Variants in FAM200A observed in about 807,000 individuals in gnomAD.
FAM200A encodes ZBED8 like.
Under a neutral mutation model 44.2 loss-of-function variants are expected in FAM200A, and 26 were observed. The ratio of observed to expected loss-of-function variants is 0.59; its 90% CI spans 0.43 to 0.82. The LOEUF (loss-of-function observed/expected upper bound fraction) is 0.82, where lower values mean the gene tolerates loss of function less well. Among genes scored for constraint, FAM200A ranks in the 40% least tolerant of loss-of-function variants. The pLI is 0.00. For missense variants in FAM200A, 606 were observed against 669.5 expected, an observed-to-expected ratio of 0.91 and a Z score of 1.05; for synonymous variants, 206 against 244.4, an observed-to-expected ratio of 0.84 and a Z score of 1.47.
upstream of FAM200A, among the ~76,000 whole-genome samples, chr7:99,553,504 C>G (rs1802614934): frequency 6.6e-6 from 1 of 152,058 alleles, no homozygotes; most frequent in Non-Finnish European, 1.5e-5. Flanking sequence ...TCAAAGTGGC[C>G]TGGTGGTATT....
At chr7:99,553,085 A>ATG (rs1802587841), upstream of FAM200A, among the ~76,000 whole-genome samples, 1 of 97,780 alleles carries the variant, frequency 1.0e-5, no homozygotes, top group Non-Finnish European at 1.8e-5. Flanking sequence ...ATATATATAT[A>ATG]TATATATATA....
intron 1 of FAM200A, among the ~76,000 whole-genome samples, chr7:99,557,914 T>C (rs1368828744): frequency 6.6e-6 from 1 of 152,228 alleles, no homozygotes; most frequent in African/African-American, 2.4e-5. Context: ...ACAAGACATA[T>C]TCTGTAAGGA....
chr7:99,552,049 T>C lies in FAM200A; in HGVS notation c.-295A>G. 2 of 985,558 alleles carry C rather than the reference T, an allele frequency of 2.0e-6. No homozygotes were observed. The highest frequency in any genetic ancestry group is 2.4e-6 in the Non-Finnish European group (2 of 830,026). The allele number at this position is 985,558 out of a possible 1,614,324, so 61.1% of individuals were successfully genotyped here. On this transcript the variant is annotated 5_prime_UTR_variant, in exon 1 of 2. Coordinates refer to ENST00000449309, the MANE Select transcript of FAM200A (RefSeq NM_145111.4). Reference sequence around the variant, plus strand: ...GCTGGGATAGAAGGGGTTGTGACTTTGGGGACCAGGAGCACTAGACTCACA... The same window carrying C: ...GCTGGGATAGAAGGGGTTGTGACTTCGGGGACCAGGAGCACTAGACTCACA...
Position 99,551,922 on chromosome 7 carries a change from G to C in FAM200A, c.-168C>G. On this transcript the variant is annotated 5_prime_UTR_variant, in exon 1 of 2. Transcript: ENST00000449309. ...GCCGAGGCTGGCGCGAGGAACGGGG[G>C]CACGGACCCGCTTCCACTCCGTCCC... The C allele has an allele frequency of 3.0e-6, 3 of 985,556 alleles. No homozygotes were observed. The highest frequency in any genetic ancestry group is 3.6e-6 in the Non-Finnish European group (3 of 830,040). 61.1% of individuals were successfully genotyped at this position (985,556 alleles called of 1,614,324 possible).
chr7:99,547,798 T>C lies in FAM200A; in HGVS notation c.610A>G (p.Lys204Glu). The stretch of plus-strand genomic sequence containing the variant: ...TCACTTGAAATTCCTTTACAATGTT[T>C]CCAGTTTAATTTATACTGACCAAGA... Reference protein sequence around the residue: ...CLLGQYKLNWKHCKGISSDGT... With the variant: ...CLLGQYKLNWEHCKGISSDGT... The change falls in exon 2 of 2, where the codon AAA becomes GAA. Residue 204 changes from lysine to glutamate, a missense_variant. By Grantham distance (56) the Lys-to-Glu change is moderately conservative. Transcript: ENST00000449309. The C allele has an allele frequency of 6.4e-7, 1 of 1,551,664 alleles. No homozygotes were observed. The highest frequency in any genetic ancestry group is 8.7e-7 in the Non-Finnish European group (1 of 1,146,982).
At chr7:99,555,491 G>A (rs977725876), upstream of FAM200A, among the ~76,000 whole-genome samples, 9 of 152,160 alleles carry the variant, frequency 5.9e-5, no homozygotes, top group African/African-American at 2.2e-4. Flanking sequence ...CACTCTTATT[G>A]GGGTTTGCCA....
chr7:99,555,333 G>GCCT (rs1802656961), upstream of FAM200A, among the ~76,000 whole-genome samples: 1 of 152,136 alleles, frequency 6.6e-6, no homozygotes, highest in Admixed American at 6.5e-5. Context: ...TAGGAGAGAG[G>GCCT]CATGGACAGA....
Position 99,546,886 on chromosome 7 carries a change from G to A in FAM200A, c.1522C>T (p.Leu508=), listed in dbSNP as rs1362216548. The stretch of plus-strand genomic sequence containing the variant: ...AGCAATATACTCTTCCTACTTAGCA[G>A]TGGAAAGTCATCTTTAATCTTAATC... ...FWIKIKDDFP[L]LSRKSILLLL... is the part of the protein sequence containing the mutation. Residue 508 remains leucine (L), a synonymous_variant, in exon 2 of 2, where the codon CTG becomes TTG. Coordinates refer to ENST00000449309, the MANE Select transcript of FAM200A (RefSeq NM_145111.4). 6.5e-7 allele frequency: 1 copy of A among 1,549,794 alleles called. No homozygotes were observed. Among genetic ancestry groups the A allele is most frequent in the African/African-American group, 1.4e-5 (1 of 72,954 alleles).
upstream of FAM200A, among the ~76,000 whole-genome samples, chr7:99,556,849 A>G (rs1802695297): frequency 6.6e-6 from 1 of 152,210 alleles, no homozygotes; most frequent in Non-Finnish European, 1.5e-5. Context: ...CAGCCTGGCC[A>G]ACATGGTGAA....
upstream of FAM200A, among the ~76,000 whole-genome samples, chr7:99,554,478 C>CAAAAAAA (rs397889799): frequency 5.7e-5 from 3 of 52,184 alleles, no homozygotes; most frequent in Non-Finnish European, 8.0e-5. Context: ...GACTCCGTCT[C>CAAAAAAA]AAAAAAAAAA....
chr7:99,554,478 C>CA (rs397889799), upstream of FAM200A, among the ~76,000 whole-genome samples: 9,188 of 51,184 alleles, frequency 0.18, 972 homozygotes, highest in East Asian at 0.34. Context: ...GACTCCGTCT[C>CA]AAAAAAAAAA....
exon 1 of FAM200A, chr7:99,558,397 TGTTG>T (rs1802771860): frequency 6.6e-6 from 1 of 151,940 alleles, no homozygotes; most frequent in Admixed American, 6.6e-5. Flanking sequence ...TCGCAGTCAT[TGTTG>T]GTATAACGGC....
In FAM200A at chr7:99,548,523, C is replaced by T. The variant is rs1390585751; in HGVS notation, c.-99-17G>A. 15 of 1,476,652 alleles carry T rather than the reference C, an allele frequency of 1.0e-5. No individual in the cohort carries two copies. The highest frequency in any genetic ancestry group is 5.4e-5 in the Admixed American group (2 of 36,828). The allele number at this position is 1,476,652 out of a possible 1,614,324, so 91.5% of individuals were successfully genotyped here. A position where few individuals can be genotyped will look rare whatever the true frequency, so the allele number is the denominator to read the frequency against. Reference sequence around the variant, plus strand: ...TTTGCTATCCTGCAGGGTAGAAAAACGTAACAGCAGTATTAAAAAGCAACA... The same window carrying T: ...TTTGCTATCCTGCAGGGTAGAAAAATGTAACAGCAGTATTAAAAAGCAACA... On this transcript the variant is annotated splice_polypyrimidine_tract_variant and intron_variant, in intron 1 of 1. Coordinates refer to ENST00000449309, the MANE Select transcript of FAM200A (RefSeq NM_145111.4).
upstream of FAM200A, among the ~76,000 whole-genome samples, chr7:99,554,494 A>AG (rs1344619626): frequency 4.6e-5 from 7 of 151,716 alleles, no homozygotes; most frequent in East Asian, 1.4e-3. Flanking sequence ...AAAAAAAAAA[A>AG]AAAAAAGAAA....
chr7:99,548,569 C>G (rs1474400878), intron 1 of FAM200A, 63 bp from the exon 2 acceptor site: 9 of 1,313,388 alleles, frequency 6.9e-6, no homozygotes, highest in Non-Finnish European at 9.2e-6. Flanking sequence ...GGGCTAACAA[C>G]TCATACAAAA....
chr7:99,551,826 G>A (rs2151130949), intron 1 of FAM200A, 28 bp downstream of exon 1: 1 of 985,426 alleles, frequency 1.0e-6, no homozygotes, highest in Non-Finnish European at 1.2e-6. Flanking sequence ...TCTCCAATCC[G>A]GAAACCAAAA....
Position 99,548,260 on chromosome 7 carries a change from G to C in FAM200A, c.148C>G (p.Leu50Val), listed in dbSNP as rs1348951453. 6.2e-7 allele frequency: 1 copy of C among 1,613,582 alleles called. No individual in the cohort carries two copies. The highest frequency in any genetic ancestry group is 8.5e-7 in the Non-Finnish European group (1 of 1,179,820). ...TCATTCATAGTTGTAGAGCGACTGA[G>C]AACTTGTGGCGATGACTCTACTTTG... ...RNKVESSPQV[L>V]SRSTTMNERA... Residue 50 changes from leucine to valine, a missense_variant, in exon 2 of 2, where the codon CTC becomes GTC. Leu to Val is a conservative substitution (Grantham distance 32). Coordinates refer to ENST00000449309, the MANE Select transcript of FAM200A (RefSeq NM_145111.4).
At position 99,546,454 on chromosome 7, in the gene FAM200A, T is replaced by C; in HGVS notation, c.*232A>G. ...GATTATCTCAGCTCACTGCAATCTC[T>C]GCCTTCCTGGTTTAAGAGATTCTCC... On this transcript the variant is annotated 3_prime_UTR_variant, in exon 2 of 2. Transcript: ENST00000449309. The C allele has an allele frequency of 2.6e-6, 1 of 385,852 alleles. No individual in the cohort carries two copies. Among genetic ancestry groups the C allele is most frequent in the Non-Finnish European group, 4.5e-6 (1 of 220,698 alleles). The allele number at this position is 385,852 out of a possible 1,614,324, so 23.9% of individuals were successfully genotyped here.
upstream of FAM200A, among the ~76,000 whole-genome samples, chr7:99,555,462 G>A (rs893896364): frequency 6.6e-6 from 1 of 152,134 alleles, no homozygotes; most frequent in South Asian, 2.1e-4. Context: ...TGTTATAGGA[G>A]CCCTAGCACA....
Sources: allele counts gnomAD v4.1 joint callset (sites outside exome capture counted in the v4.1 genomes callset), GRCh38; gene constraint gnomAD v4.1.1; transcripts MANE v1.5; gene names NCBI Gene and HGNC (gene_info 2026-07-23, HGNC 2026-07-21).